The following CDH8 variants were observed in gnomAD, a reference collection of about 807,000 sequenced individuals.
CDH8 encodes the protein cadherin 8.
In CDH8, 17 loss-of-function variants were observed where a neutral mutation model predicts 68.1. That is an observed-to-expected ratio of 0.25 (90% CI 0.17 to 0.37). The LOEUF is 0.37. Among genes scored for constraint, CDH8 ranks in the 10% least tolerant of loss-of-function variants. The pLI is 1.00. For synonymous variants in CDH8, 372 were observed against 365.1 expected (o/e 1.02, Z -0.21); for missense variants, 763 against 999.3 (o/e 0.76, Z 3.19).
chr16:61,769,889 T>G (rs1960734126), intron 8 of CDH8, among the ~76,000 whole-genome samples: 2 of 151,874 alleles, frequency 1.3e-5, no homozygotes, highest in South Asian at 4.1e-4. Context: ...CCTGGATTTT[T>G]TATTCCTATA....
intron 4 of CDH8, among the ~76,000 whole-genome samples, chr16:61,839,034 C>T (rs531697068): frequency 8.8e-4 from 134 of 152,166 alleles, no homozygotes; most frequent in African/African-American, 3.0e-3. Context: ...TAGTAAATGA[C>T]GTTGGAATCT....
At chr16:61,969,295 C>G (rs1965301642) in intron 2 of CDH8, among the ~76,000 whole-genome samples, 1 of 152,170 alleles carries the variant, frequency 6.6e-6, no homozygotes, top group Non-Finnish European at 1.5e-5. Context: ...CACAGAAAAC[C>G]ACTTCAGAAA....
intron 2 of CDH8, among the ~76,000 whole-genome samples, chr16:61,945,296 G>T (rs529474022): frequency 4.6e-5 from 7 of 152,100 alleles, no homozygotes; most frequent in Non-Finnish European, 7.4e-5. Flanking sequence ...AATAGAATTT[G>T]CATCGGAATG....
chr16:61,816,952 C>T (rs978394499), intron 7 of CDH8, among the ~76,000 whole-genome samples: 9 of 151,790 alleles, frequency 5.9e-5, no homozygotes, highest in Non-Finnish European at 1.0e-4. Context: ...CAGAAATGTC[C>T]AAGAAGTAAT....
At chr16:61,801,015 C>T (rs1329558097) in intron 7 of CDH8, among the ~76,000 whole-genome samples, 3 of 152,012 alleles carry the variant, frequency 2.0e-5, no homozygotes, top group Non-Finnish European at 4.4e-5. Context: ...GATATCATGG[C>T]TCAGCCTACA....
At chr16:61,668,812 A>G (rs951886698) in intron 10 of CDH8, among the ~76,000 whole-genome samples, 1 of 152,008 alleles carries the variant, frequency 6.6e-6, no homozygotes, top group Non-Finnish European at 1.5e-5. Context: ...GTCTCTATGA[A>G]TTGAATAGGT....
chr16:61,848,885 C>T (rs1220061003), intron 4 of CDH8, among the ~76,000 whole-genome samples: 1 of 152,070 alleles, frequency 6.6e-6, no homozygotes, highest in Non-Finnish European at 1.5e-5. Flanking sequence ...ATTTGCCCAA[C>T]AAATATTTAT....
intron 1 of CDH8, among the ~76,000 whole-genome samples, chr16:62,035,384 C>G (rs887737330): frequency 2.7e-4 from 41 of 152,174 alleles, no homozygotes; most frequent in Non-Finnish European, 1.5e-4. Context: ...GGAGACACTG[C>G]CTGGGGGTCC....
chr16:61,939,891 A>G (rs2143529211), intron 2 of CDH8, among the ~76,000 whole-genome samples: 1 of 152,322 alleles, frequency 6.6e-6, no homozygotes, highest in South Asian at 2.1e-4. Context: ...GACTCAAAGA[A>G]TGTAAGAAAC....
chr16:61,652,466 G>T lies in CDH8; in HGVS notation c.*1142C>A. On this transcript the variant is annotated 3_prime_UTR_variant, in exon 12 of 12. Transcript: ENST00000577390. ...TAAAAACACCAAATACTAGGATTAT[G>T]AACAAAATAGAAAACAGTCCAAAAG... 1.0e-6 allele frequency: 1 copy of T among 988,112 alleles called. No homozygotes were observed. The highest frequency in any genetic ancestry group is 1.2e-6 in the Non-Finnish European group (1 of 831,552). 61.2% of individuals were successfully genotyped at this position (988,112 alleles called of 1,614,324 possible).
intron 4 of CDH8, among the ~76,000 whole-genome samples, chr16:61,838,615 G>A (rs1597008846): frequency 6.6e-6 from 1 of 152,102 alleles, no homozygotes; most frequent in Admixed American, 6.6e-5. Flanking sequence ...TACAAAGAAT[G>A]CAAGTCCCTG....
intron 3 of CDH8, among the ~76,000 whole-genome samples, chr16:61,867,114 G>C (rs750434854): frequency 4.5e-4 from 69 of 152,136 alleles, no homozygotes; most frequent in Non-Finnish European, 8.4e-4. Flanking sequence ...TGAGGAATGA[G>C]AGTCTTAGAT....
intron 3 of CDH8, among the ~76,000 whole-genome samples, chr16:61,891,409 T>C (rs1049951346): frequency 2.0e-5 from 3 of 152,130 alleles, no homozygotes; most frequent in Non-Finnish European, 4.4e-5. Flanking sequence ...TCAATGCCTC[T>C]TGGAAGACTA....
chr16:61,650,706 TGA>T lies in CDH8; in HGVS notation c.*2900_*2901del, dbSNP rs71134374. 6.8e-3 allele frequency: 792 copies of T among 116,628 alleles called. 2 individuals are homozygous for T. Among genetic ancestry groups the T allele is most frequent in the African/African-American group, 0.015 (443 of 29,842 alleles). The allele number at this position is 116,628 out of a possible 1,614,324, so 7.2% of individuals were successfully genotyped here. A position where few individuals can be genotyped will look rare whatever the true frequency, so the allele number is the denominator to read the frequency against. ...GTGTGTGTGTGTGTGTGTGTGTGTG[TGA>T]GAGAGAGAGAGAGAGAGAGAGAGAA... On this transcript the variant is annotated 3_prime_UTR_variant, in exon 12 of 12. Coordinates refer to ENST00000577390, the MANE Select transcript of CDH8 (RefSeq NM_001796.5).
chr16:61,794,231 T>C (rs377120066), intron 7 of CDH8, among the ~76,000 whole-genome samples: 179 of 152,012 alleles, frequency 1.2e-3, no homozygotes, highest in African/African-American at 4.2e-3. Context: ...TGTGTTTCTT[T>C]AGGCTGCCAG....
intron 2 of CDH8, among the ~76,000 whole-genome samples, chr16:61,974,759 T>TCGTA (rs1965406325): frequency 6.6e-6 from 1 of 152,126 alleles, no homozygotes. Flanking sequence ...ACATCCAAGA[T>TCGTA]CGTAATACCC....
intron 2 of CDH8, among the ~76,000 whole-genome samples, chr16:62,002,627 C>T (rs1965910378): frequency 6.6e-6 from 1 of 152,200 alleles, no homozygotes; most frequent in East Asian, 1.9e-4. Context: ...TGTTGTGATA[C>T]AGCACAGTCT....
intron 2 of CDH8, among the ~76,000 whole-genome samples, chr16:61,971,112 T>A (rs1965333262): frequency 6.6e-6 from 1 of 152,130 alleles, no homozygotes; most frequent in Admixed American, 6.5e-5. Context: ...AAAACATTGC[T>A]CTTAACTTCA....
chr16:62,008,717 A>T (rs962874927), intron 2 of CDH8, among the ~76,000 whole-genome samples: 49 of 152,278 alleles, frequency 3.2e-4, no homozygotes, highest in African/African-American at 1.2e-3. Flanking sequence ...GCTATTAAAA[A>T]CTAAGACCTT....
Sources: gnomAD v4.1 joint callset for allele counts (sites outside exome capture counted in the v4.1 genomes callset) on GRCh38, gnomAD v4.1.1 for gene constraint, MANE v1.5 for transcripts, NCBI Gene and HGNC (gene_info 2026-07-23, HGNC 2026-07-21) for gene names.